Variants in PCDHGA3 observed in about 807,000 individuals in gnomAD.
The protein encoded by PCDHGA3 is protocadherin gamma-A3.
Under a neutral mutation model 58.5 loss-of-function variants are expected in PCDHGA3, and 40 were observed. The ratio of observed to expected loss-of-function variants is 0.68; its 90% CI spans 0.53 to 0.89. The LOEUF (loss-of-function observed/expected upper bound fraction) is 0.89. PCDHGA3 is among the 40% of genes least tolerant of loss of function. The pLI is 0.00. For missense variants in PCDHGA3, 1,223 were observed against 1,195.9 expected (o/e 1.02, Z -0.33); for synonymous variants, 530 against 525.7 (o/e 1.01, Z -0.11).
At chr5:141,384,582 G>A (rs542176226) in intron 1 of PCDHGA3, 5 of 1,614,230 alleles carry the variant, frequency 3.1e-6, no homozygotes, top group Non-Finnish European at 4.2e-6. Context: ...ACCCGCCCGA[G>A]ATCCTGTACC....
intron 1 of PCDHGA3, chr5:141,427,787 C>A (rs2097070880): frequency 6.8e-7 from 1 of 1,478,064 alleles, no homozygotes; most frequent in Non-Finnish European, 9.4e-7. Context: ...CACTGTCGTC[C>A]TACGTGTCCG....
At chr5:141,488,620 C>A (rs1271344928) in intron 1 of PCDHGA3, among the ~76,000 whole-genome samples, 1 of 152,164 alleles carries the variant, frequency 6.6e-6, no homozygotes, top group East Asian at 1.9e-4. Context: ...CTAATCTTTT[C>A]TCTCACCTTA....
rs1025148587 is a variant in PCDHGA3, at chr5:141,431,434, C to T, written c.2425-63373C>T. ...GGGGCGACCCGGTGCGCACAGGCAC[C>T]GCGCGCATCCGCGTGATGGTTCTGG... On this transcript the variant is annotated intron_variant, in intron 1 of 3. Transcript: ENST00000253812. This position sits in a 1 kb window ranked among gnomAD's most constrained non-coding sequence, Gnocchi z 4.8. The T allele has an allele frequency of 6.2e-7, 1 of 1,613,690 alleles. No homozygotes were observed. The highest frequency in any genetic ancestry group is 1.3e-5 in the African/African-American group (1 of 75,072).
At chr5:141,370,582 C>T (rs1455382111) in intron 1 of PCDHGA3, 1 of 1,613,890 alleles carries the variant, frequency 6.2e-7, no homozygotes, top group Non-Finnish European at 8.5e-7. Context: ...GATTTACCTA[C>T]TAGGAACCTG....
At chr5:141,403,686 G>T in intron 1 of PCDHGA3, 1 of 1,613,824 alleles carries the variant, frequency 6.2e-7, no homozygotes, top group Non-Finnish European at 8.5e-7. Context: ...TTTGCTCAAC[G>T]GATTTACCGA....
chr5:141,362,202 G>A, intron 1 of PCDHGA3: 1 of 1,614,078 alleles, frequency 6.2e-7, no homozygotes, highest in Non-Finnish European at 8.5e-7. Flanking sequence ...CAAAACTGCA[G>A]TTTTACCTGG....
At chr5:141,496,693 C>T (rs2099770546) in intron 2 of PCDHGA3, among the ~76,000 whole-genome samples, 1 of 152,164 alleles carries the variant, frequency 6.6e-6, no homozygotes, top group South Asian at 2.1e-4. Context: ...CCTTGCCAAC[C>T]TTCTCATAAG....
At chr5:141,409,920 C>T (rs759433257) in intron 1 of PCDHGA3, 2 of 1,613,400 alleles carry the variant, frequency 1.2e-6, no homozygotes, top group Non-Finnish European at 1.7e-6. Flanking sequence ...GACGGCTCCG[C>T]GTTCTTCGAT....
intron 1 of PCDHGA3, chr5:141,427,468 C>T: frequency 2.0e-6 from 1 of 509,312 alleles, no homozygotes; most frequent in Middle Eastern, 3.0e-4. Flanking sequence ...ATCGAATCTT[C>T]CGCCAATAAT....
intron 1 of PCDHGA3, among the ~76,000 whole-genome samples, chr5:141,380,096 T>C (rs1180401530): frequency 3.3e-5 from 5 of 151,838 alleles, no homozygotes; most frequent in Non-Finnish European, 5.9e-5. Flanking sequence ...GATGGGGTTT[T>C]ACCATGATGG....
Position 141,423,433 on chromosome 5 carries a change from A to G in PCDHGA3, c.2425-71374A>G, listed in dbSNP as rs746170494. ...GGCTTCTGAAGGCGGGTTGGCAGGT[A>G]TGCCCACGTCACATTTTGTAGGCGT... On this transcript the variant is annotated intron_variant, in intron 1 of 3. Coordinates refer to ENST00000253812, the MANE Select transcript of PCDHGA3 (RefSeq NM_018916.4). 3.1e-6 allele frequency: 5 copies of G among 1,614,010 alleles called. No homozygotes were observed. The East Asian group carries it at 8.9e-5, about 29-fold the overall frequency.
rs2154594699 is a variant in PCDHGA3 at position 141,512,507 on chromosome 5, C to T, written c.*1334C>T. 6.5e-6 allele frequency: 1 copy of T among 153,048 alleles called. No individual in the cohort carries two copies. Among genetic ancestry groups the T allele is most frequent in the South Asian group, 2.1e-4 (1 of 4,836 alleles). 9.5% of individuals were successfully genotyped at this position (153,048 alleles called of 1,614,324 possible). ...CACTGCCCAGGTCCCCAGTGCGCCCCCTAGTGGCCATAGCCTGGTTAAAGT... is the reference window on the plus strand; with the variant it reads ...CACTGCCCAGGTCCCCAGTGCGCCCTCTAGTGGCCATAGCCTGGTTAAAGT... On this transcript the variant is annotated 3_prime_UTR_variant, in exon 4 of 4. Transcript: ENST00000253812.
intron 1 of PCDHGA3, among the ~76,000 whole-genome samples, chr5:141,475,380 T>A (rs2099362720): frequency 6.6e-6 from 1 of 152,244 alleles, no homozygotes; most frequent in South Asian, 2.1e-4. Flanking sequence ...TACTTTTAAA[T>A]TTTATAAGCC....
intron 1 of PCDHGA3, chr5:141,350,201 G>A (rs1347326846): frequency 6.2e-6 from 9 of 1,440,752 alleles, no homozygotes; most frequent in Non-Finnish European, 8.3e-6. Context: ...AGTCCAGGGT[G>A]CTGCCATTTC....
intron 1 of PCDHGA3, chr5:141,352,819 G>A (rs1164186338): frequency 1.6e-5 from 13 of 810,682 alleles, no homozygotes; most frequent in Non-Finnish European, 2.5e-5. Context: ...GTAAAACCCG[G>A]TCTACTAAAA....
At chr5:141,355,194 G>A (rs768677645) in intron 1 of PCDHGA3, 3 of 1,595,232 alleles carry the variant, frequency 1.9e-6, no homozygotes, top group Non-Finnish European at 2.6e-6. Flanking sequence ...TCCGCGGCGG[G>A]GTTGTAATGG....
At chr5:141,492,954 A>G (rs2099745299) in intron 1 of PCDHGA3, among the ~76,000 whole-genome samples, 1 of 152,212 alleles carries the variant, frequency 6.6e-6, no homozygotes, top group Non-Finnish European at 1.5e-5. Context: ...TGACCAAACT[A>G]TCTGACACTC....
intron 1 of PCDHGA3, chr5:141,397,890 A>G: frequency 3.2e-6 from 2 of 628,782 alleles, no homozygotes; most frequent in Non-Finnish European, 5.3e-6. Context: ...GCTGTTGGCC[A>G]AAGTGCAGAG....
intron 1 of PCDHGA3, chr5:141,371,718 A>T (rs1191526865): frequency 6.2e-7 from 1 of 1,613,946 alleles, no homozygotes; most frequent in Non-Finnish European, 8.5e-7. Flanking sequence ...CACTCTGCAC[A>T]TCCTTGATGT....
Sources: gnomAD v4.1 joint callset for allele counts (sites outside exome capture counted in the v4.1 genomes callset) on GRCh38, gnomAD v4.1.1 for gene constraint, Gnocchi (gnomAD v3.1) non-coding constraint, MANE v1.5 for transcripts, NCBI Gene and HGNC (gene_info 2026-07-23, HGNC 2026-07-21) for gene names.